The following SLIT2 variants were observed in gnomAD, a reference collection of about 807,000 sequenced individuals.
The protein encoded by SLIT2 is slit homolog 2 protein.
Under a neutral mutation model 185.7 loss-of-function variants are expected in SLIT2, and 41 were observed. The ratio of observed to expected loss-of-function variants is 0.22; its 90% CI spans 0.17 to 0.29. The LOEUF (loss-of-function observed/expected upper bound fraction) is 0.29. Ranked by LOEUF, SLIT2 falls within the 10% of genes least tolerant of loss-of-function variation. The pLI, the probability that SLIT2 is intolerant of heterozygous loss-of-function variation, is 1.00. For missense variants in SLIT2, 1,571 were observed against 1,909.0 expected (o/e 0.82, Z 3.30); for synonymous variants, 693 against 680.2 (o/e 1.02, Z -0.29).
At chr4:20,428,260 T>G (rs1728704929) in intron 4 of SLIT2, among the ~76,000 whole-genome samples, 1 of 152,174 alleles carries the variant, frequency 6.6e-6, no homozygotes, top group Admixed American at 6.5e-5. Flanking sequence ...ATATCAAACA[T>G]AAATATACAG....
At chr4:20,318,685 G>C (rs979664786) in intron 4 of SLIT2, among the ~76,000 whole-genome samples, 1 of 151,692 alleles carries the variant, frequency 6.6e-6, no homozygotes, top group South Asian at 2.1e-4. Context: ...AGCTCACTTT[G>C]AACACAAGCA....
chr4:20,471,196 A>C (rs189121543), intron 5 of SLIT2, among the ~76,000 whole-genome samples: 1 of 152,332 alleles, frequency 6.6e-6, no homozygotes, highest in African/African-American at 2.4e-5. Flanking sequence ...TTACATTAAA[A>C]GGCATTTTCT....
intron 4 of SLIT2, among the ~76,000 whole-genome samples, chr4:20,410,907 GGTTCCA>G (rs1727201424): frequency 6.6e-6 from 1 of 151,770 alleles, no homozygotes; most frequent in Admixed American, 6.6e-5. Flanking sequence ...CTCTTTTTTT[GGTTCCA>G]TATGAATTTT....
intron 4 of SLIT2, among the ~76,000 whole-genome samples, chr4:20,324,085 G>T (rs1195991516): frequency 6.6e-6 from 1 of 152,118 alleles, no homozygotes; most frequent in African/African-American, 2.4e-5. Flanking sequence ...CAAGTCAAGA[G>T]CATAGGGGTG....
chr4:20,336,512 C>T (rs775218433), intron 4 of SLIT2, among the ~76,000 whole-genome samples: 1 of 152,056 alleles, frequency 6.6e-6, no homozygotes, highest in Non-Finnish European at 1.5e-5. Flanking sequence ...TGGGAAACAT[C>T]ACACACTGGG....
Position 20,331,335 on chromosome 4 carries a change from T to C in SLIT2, c.395+62454T>C, listed in dbSNP as rs1020499238. On this transcript the variant is annotated intron_variant, in intron 4 of 36. Transcript: ENST00000504154. ...TTCCAATTATTGCTATGAAGTGATA[T>C]TCGTTTACAAAAGAAGTGTTATTGA... Among the ~76,000 whole-genome samples, 3 of 152,240 alleles carry C rather than the reference T, an allele frequency of 2.0e-5. No homozygotes were observed. In the South Asian group the frequency reaches 6.2e-4, roughly 32 times the overall value.
chr4:20,577,508 G>A (rs576512050), intron 29 of SLIT2, among the ~76,000 whole-genome samples: 23 of 152,280 alleles, frequency 1.5e-4, no homozygotes, highest in Middle Eastern at 6.8e-3. Flanking sequence ...TCTGTTAATG[G>A]CTAATGTATC....
intron 4 of SLIT2, among the ~76,000 whole-genome samples, chr4:20,419,020 C>G (rs1443229157): frequency 6.6e-6 from 1 of 152,168 alleles, no homozygotes; most frequent in Non-Finnish European, 1.5e-5. Flanking sequence ...ACCATTTTCT[C>G]TATTTTCATA....
In SLIT2 at chr4:20,334,491, G is replaced by C. The variant is rs186387457; in HGVS notation, c.395+65610G>C. Reference sequence around the variant, plus strand: ...TAATATAAAACTAATTTTTAAAATTGTTTAGGAGAGATATCTGCCCTTAAC... The same window carrying C: ...TAATATAAAACTAATTTTTAAAATTCTTTAGGAGAGATATCTGCCCTTAAC... On this transcript the variant is annotated intron_variant, in intron 4 of 36. Coordinates refer to ENST00000504154, the MANE Select transcript of SLIT2 (RefSeq NM_004787.4). 3.1e-4 allele frequency among the ~76,000 whole-genome samples: 47 copies of C among 152,210 alleles called. No homozygotes were observed. In the East Asian group the frequency reaches 9.1e-3, roughly 29 times the overall value.
At chr4:20,457,641 T>G (rs975627914) in intron 4 of SLIT2, among the ~76,000 whole-genome samples, 1 of 152,196 alleles carries the variant, frequency 6.6e-6, no homozygotes, top group Admixed American at 6.5e-5. Flanking sequence ...TGATTTTTAT[T>G]TTAATCAGTG....
intron 4 of SLIT2, among the ~76,000 whole-genome samples, chr4:20,431,379 G>GTTTTAC (rs1728962379): frequency 1.3e-5 from 2 of 152,026 alleles, no homozygotes; most frequent in African/African-American, 4.8e-5. Context: ...AAATATTTGT[G>GTTTTAC]TTTTATTTTT....
intron 4 of SLIT2, among the ~76,000 whole-genome samples, chr4:20,448,928 G>A (rs188364457): frequency 7.2e-5 from 11 of 151,918 alleles, no homozygotes; most frequent in East Asian, 1.9e-4. Context: ...GGGCCACAGC[G>A]CCTGGCCCCA....
chr4:20,294,592 A>G (rs1246866736), intron 4 of SLIT2, among the ~76,000 whole-genome samples: 1 of 152,170 alleles, frequency 6.6e-6, no homozygotes, highest in Admixed American at 6.5e-5. Flanking sequence ...TTTTGGCTCT[A>G]AGAGGAAGGA....
chr4:20,278,265 C>A (rs1577357976), intron 4 of SLIT2, among the ~76,000 whole-genome samples: 1 of 151,584 alleles, frequency 6.6e-6, no homozygotes, highest in Non-Finnish European at 1.5e-5. Context: ...TCAAATGCCT[C>A]AGGATAAAAC....
intron 4 of SLIT2, among the ~76,000 whole-genome samples, chr4:20,287,624 G>A (rs1209114616): frequency 6.6e-6 from 1 of 152,104 alleles, no homozygotes; most frequent in African/African-American, 2.4e-5. Context: ...TGTTTGGAGG[G>A]TTTAATCTGA....
chr4:20,515,686 A>C (rs1720137453), intron 11 of SLIT2, among the ~76,000 whole-genome samples: 1 of 152,108 alleles, frequency 6.6e-6, no homozygotes, highest in Non-Finnish European at 1.5e-5. Context: ...CATTTAAAAA[A>C]ATTTATAAGT....
intron 4 of SLIT2, among the ~76,000 whole-genome samples, chr4:20,327,798 T>C (rs1299895776): frequency 6.6e-6 from 1 of 152,080 alleles, no homozygotes; most frequent in Non-Finnish European, 1.5e-5. Context: ...TCATCATCCA[T>C]CTCCTTTGAA....
chr4:20,413,006 C>T (rs1577606448), intron 4 of SLIT2, among the ~76,000 whole-genome samples: 1 of 152,022 alleles, frequency 6.6e-6, no homozygotes, highest in African/African-American at 2.4e-5. Flanking sequence ...TCTGCAAAAG[C>T]ATCAGTTTAC....
intron 4 of SLIT2, among the ~76,000 whole-genome samples, chr4:20,312,335 A>G (rs1353595904): frequency 2.0e-5 from 3 of 152,238 alleles, no homozygotes; most frequent in African/African-American, 7.2e-5. Context: ...ATGTGATTGT[A>G]AATTTATTCT....
Sources: allele counts gnomAD v4.1 joint callset (sites outside exome capture counted in the v4.1 genomes callset), GRCh38; gene constraint gnomAD v4.1.1; transcripts MANE v1.5; gene names NCBI Gene and HGNC (gene_info 2026-07-23, HGNC 2026-07-21).